The following FMN2 variants were observed in gnomAD, a reference collection of about 807,000 sequenced individuals.
The protein encoded by FMN2 is formin-2.
FMN2 carries 51 observed loss-of-function variants against 142.3 expected under a neutral mutation model. The ratio of observed to expected loss-of-function variants is 0.36; its 90% confidence interval spans 0.29 to 0.45. FMN2 has a LOEUF of 0.45. Ranked by LOEUF, FMN2 falls within the 20% of genes least tolerant of loss-of-function variation. The pLI is 1.00. For missense variants in FMN2, 1,936 were observed against 2,122.8 expected (o/e 0.91, Z 1.73); for synonymous variants, 882 against 869.8 (o/e 1.01, Z -0.25).
At chr1:240,185,382 G>A (rs1484653093) in intron 3 of FMN2, among the ~76,000 whole-genome samples, 1 of 152,018 alleles carries the variant, frequency 6.6e-6, no homozygotes, top group Non-Finnish European at 1.5e-5. Flanking sequence ...TTATGATTTT[G>A]AAGACAGCAT....
At position 240,092,124 on chromosome 1, in the gene FMN2, T is replaced by C; in HGVS notation, c.15T>C (p.Asp5=). MGNQ[D]GKLKRSAGDA... is the part of the protein sequence containing the mutation. ...GGGATTGCACCATGGGGAACCAGGA[T>C]GGGAAGCTGAAGAGGAGCGCAGGTG... Residue 5 remains aspartate, a synonymous_variant, in exon 1 of 18, where the codon GAT becomes GAC. Transcript: ENST00000319653. 1 of 1,554,448 alleles carries C rather than the reference T, an allele frequency of 6.4e-7. No individual in the cohort carries two copies. Among genetic ancestry groups the C allele is most frequent in the Non-Finnish European group, 8.7e-7 (1 of 1,149,982 alleles).
rs1295299172 is a variant in FMN2, at chr1:240,207,732, G to C, written c.2920G>C (p.Gly974Arg). The C allele has an allele frequency of 6.7e-7, 1 of 1,494,934 alleles. No individual in the cohort carries two copies. Among genetic ancestry groups the C allele is most frequent in the Admixed American group, 1.8e-5 (1 of 54,652 alleles). The allele number at this position is 1,494,934 out of a possible 1,614,324, so 92.6% of individuals were successfully genotyped here. ...CCTTCCTCCCCCTCTTCCCGGAGCA[G>C]GAATACCTCCTCCACCCCCTCTACC... ...IPLPPPLPGA[G>R]IPPPPPLPGA... The change falls in exon 5 of 18, where the codon GGA (glycine) becomes CGA (arginine). Residue 974 changes from glycine to arginine, a missense_variant. By Grantham distance (125) the Gly-to-Arg change is moderately radical. Coordinates refer to ENST00000319653, the MANE Select transcript of FMN2 (RefSeq NM_020066.5).
At chr1:240,155,951 G>A (rs1252117168) in intron 2 of FMN2, among the ~76,000 whole-genome samples, 1 of 146,840 alleles carries the variant, frequency 6.8e-6, no homozygotes, top group Non-Finnish European at 1.5e-5. Context: ...ATATATCACC[G>A]TAAAGGGACA....
intron 2 of FMN2, among the ~76,000 whole-genome samples, chr1:240,163,164 T>C (rs1664347653): frequency 6.6e-6 from 1 of 152,230 alleles, no homozygotes; most frequent in Admixed American, 6.5e-5. Context: ...GTGATCAGCT[T>C]TCATCAGTGT....
At chr1:240,192,574 A>T (rs1221014419) in intron 4 of FMN2, among the ~76,000 whole-genome samples, 14 of 152,208 alleles carry the variant, frequency 9.2e-5, no homozygotes, top group Non-Finnish European at 1.2e-4. Flanking sequence ...AAGAAATACA[A>T]GTCTTAAAGG....
chr1:240,144,963 C>A, intron 2 of FMN2: 1 of 1,259,280 alleles, frequency 7.9e-7, no homozygotes, highest in South Asian at 1.2e-5. Flanking sequence ...TTGAGGCACT[C>A]GCACTCCCCA....
chr1:240,254,091 G>A (rs1668368549), intron 6 of FMN2, among the ~76,000 whole-genome samples: 1 of 152,136 alleles, frequency 6.6e-6, no homozygotes, highest in South Asian at 2.1e-4. Context: ...CCTCCAGGTG[G>A]CTTGCTTGGG....
At chr1:240,413,527 T>A (rs1357198156) in intron 15 of FMN2, among the ~76,000 whole-genome samples, 2 of 152,176 alleles carry the variant, frequency 1.3e-5, no homozygotes, top group Non-Finnish European at 2.9e-5. Flanking sequence ...TAGGAAAGGC[T>A]AATAGAGATC....
intron 6 of FMN2, among the ~76,000 whole-genome samples, chr1:240,228,303 CAA>C (rs577421634): frequency 1.5e-4 from 7 of 47,746 alleles, no homozygotes; most frequent in African/African-American, 1.8e-4. Flanking sequence ...AACTCTGTCT[CAA>C]AAAAAAAAAA....
chr1:240,309,281 G>A (rs930583255), intron 8 of FMN2, among the ~76,000 whole-genome samples: 1 of 152,122 alleles, frequency 6.6e-6, no homozygotes, highest in Non-Finnish European at 1.5e-5. Context: ...CCACTGGTTT[G>A]CCTGGGCCAT....
chr1:240,099,475 G>C (rs1661339793), intron 1 of FMN2, among the ~76,000 whole-genome samples: 1 of 152,028 alleles, frequency 6.6e-6, no homozygotes, highest in Middle Eastern at 3.2e-3. Flanking sequence ...GCTTTCCAAA[G>C]AAGGGGTGGG....
intron 14 of FMN2, 145 bp from the exon 15 acceptor site, chr1:240,392,366 A>T (rs191093236): frequency 1.9e-6 from 1 of 523,410 alleles, no homozygotes; most frequent in African/African-American, 1.9e-5. Context: ...TATCTATGAC[A>T]TCCATAGATT....
intron 5 of FMN2, among the ~76,000 whole-genome samples, chr1:240,209,963 C>G (rs1371375591): frequency 1.3e-5 from 2 of 152,114 alleles, no homozygotes; most frequent in African/African-American, 4.8e-5. Flanking sequence ...GGTTTACAGT[C>G]CCATCTTGTG....
At position 240,258,507 on chromosome 1, in the gene FMN2, C is replaced by T. The variant is rs1052656544; in HGVS notation, c.4153+475C>T. On this transcript the variant is annotated intron_variant, in intron 7 of 17. Transcript: ENST00000319653. Reference sequence around the variant, plus strand: ...TTTATAAGGGGACTGATCCCACGCACGAGAATTCTACCCTTGTGACCTAAT... The same window carrying T: ...TTTATAAGGGGACTGATCCCACGCATGAGAATTCTACCCTTGTGACCTAAT... Among the ~76,000 whole-genome samples, 5 of 152,212 alleles carry T rather than the reference C, an allele frequency of 3.3e-5. No individual in the cohort carries two copies. In the South Asian group the frequency reaches 8.3e-4, roughly 25 times the overall value.
At chr1:240,173,258 T>C (rs1428346229) in intron 2 of FMN2, among the ~76,000 whole-genome samples, 1 of 152,128 alleles carries the variant, frequency 6.6e-6, no homozygotes, top group Admixed American at 6.5e-5. Flanking sequence ...TATGTAGTCA[T>C]CATAGCACTG....
rs1262262714 is a variant in FMN2, at chr1:240,174,810, TA to T, written c.1783-3104del. Among the ~76,000 whole-genome samples the T allele has an allele frequency of 3.3e-5, 5 of 152,298 alleles. No homozygotes were observed. In the East Asian group the frequency reaches 9.6e-4, roughly 29 times the overall value. On this transcript the variant is annotated intron_variant, in intron 2 of 17. Coordinates refer to ENST00000319653, the MANE Select transcript of FMN2 (RefSeq NM_020066.5). Reference sequence around the variant, plus strand: ...CATTTACTGTTTTTAAAAAAATTATTAAAAAAATTTTAACTGTTGCAAAATA... The same window carrying T: ...CATTTACTGTTTTTAAAAAAATTATTAAAAAATTTTAACTGTTGCAAAATA...
At chr1:240,136,503 G>A (rs908390066) in intron 2 of FMN2, among the ~76,000 whole-genome samples, 4 of 152,118 alleles carry the variant, frequency 2.6e-5, no homozygotes, top group Admixed American at 2.0e-4. Flanking sequence ...CCTCCTTTAA[G>A]AGGATTATGC....
intron 7 of FMN2, among the ~76,000 whole-genome samples, chr1:240,264,801 A>G (rs1383964660): frequency 2.6e-5 from 4 of 152,072 alleles, no homozygotes; most frequent in Non-Finnish European, 4.4e-5. Context: ...TTTTATAATC[A>G]TATCTTTTTA....
At chr1:240,409,860 C>T (rs1244195967) in intron 15 of FMN2, among the ~76,000 whole-genome samples, 1 of 152,046 alleles carries the variant, frequency 6.6e-6, no homozygotes, top group Admixed American at 6.5e-5. Context: ...TTAAAAATAA[C>T]CTATTATGTA....
Sources: gnomAD v4.1 joint callset for allele counts (sites outside exome capture counted in the v4.1 genomes callset) on GRCh38, gnomAD v4.1.1 for gene constraint, MANE v1.5 for transcripts, NCBI Gene and HGNC (gene_info 2026-07-23, HGNC 2026-07-21) for gene names.